TLL2: variants seen among roughly 807,000 people sequenced by gnomAD.
TLL2 encodes the protein tolloid-like protein 2.
A neutral mutation model predicts 123.0 loss-of-function variants in TLL2; 106 were observed. The ratio of observed to expected loss-of-function variants is 0.86; its 90% CI spans 0.74 to 1.01. TLL2 has a LOEUF of 1.01. TLL2 is among the 50% of genes least tolerant of loss of function. The pLI, the probability that TLL2 is intolerant of heterozygous loss-of-function variation, is 0.00. For missense variants in TLL2, 1,332 were observed against 1,336.7 expected (o/e 1.00, Z 0.06); for synonymous variants, 494 against 516.8 (o/e 0.96, Z 0.60).
At position 96,495,151 on chromosome 10, in the gene TLL2, G is replaced by A. The variant is rs140369101; in HGVS notation, c.176-14692C>T. ...GACTTCATAGATGTTCCATAAGATA[G>A]TCACCTAGAGATAAGCCCAGGTTAT... On this transcript the variant is annotated intron_variant, in intron 1 of 20. Coordinates refer to ENST00000357947, the MANE Select transcript of TLL2 (RefSeq NM_012465.4). Among the ~76,000 whole-genome samples, 617 of 152,248 alleles carry A rather than the reference G, an allele frequency of 4.1e-3. 3 individuals carry two copies. The highest frequency in any genetic ancestry group is 0.01 in the Middle Eastern group (3 of 292).
chr10:96,475,676 C>A (rs1222278776), intron 2 of TLL2, among the ~76,000 whole-genome samples: 1 of 152,130 alleles, frequency 6.6e-6, no homozygotes, highest in African/African-American at 2.4e-5. Context: ...CTGGGCCCTT[C>A]CCCCCATGTC....
chr10:96,471,168 T>A lies in TLL2; in HGVS notation c.286+9181A>T, dbSNP rs77394296. Reference sequence around the variant, plus strand: ...GGTGTTTGCCACCACACTTGGCTAATTTTTTTTTGTATTTTCAGTAGAGAT... The same window carrying A: ...GGTGTTTGCCACCACACTTGGCTAAATTTTTTTTGTATTTTCAGTAGAGAT... On this transcript the variant is annotated intron_variant, in intron 2 of 20. Coordinates refer to ENST00000357947, the MANE Select transcript of TLL2 (RefSeq NM_012465.4). 9.5e-5 allele frequency among the ~76,000 whole-genome samples: 3 copies of A among 31,688 alleles called. No homozygotes were observed. In the Admixed American group the frequency reaches 1.3e-3, roughly 14 times the overall value. The allele number at this position is 31,688 out of a possible 152,430, so 20.8% of individuals were successfully genotyped here.
intron 4 of TLL2, 145 bp downstream of exon 4, chr10:96,432,662 C>G (rs897697170): frequency 8.6e-6 from 9 of 1,049,144 alleles, no homozygotes; most frequent in South Asian, 1.8e-5. Flanking sequence ...CCAGGACTTG[C>G]CGGCAAGAGG....
chr10:96,443,966 A>C lies in TLL2; in HGVS notation c.364+2125T>G, dbSNP rs1008798795. ...AAAGGATCTGCCTCTCTCTAAAAGA[A>C]GTCAGATTGAAGAGGAAGATCAGCA... On this transcript the variant is annotated intron_variant, in intron 3 of 20. Coordinates refer to ENST00000357947, the MANE Select transcript of TLL2 (RefSeq NM_012465.4). 1.4e-4 allele frequency among the ~76,000 whole-genome samples: 21 copies of C among 152,356 alleles called. 1 individual carries two copies. The Middle Eastern group carries it at 0.014, about 99-fold the overall frequency.
At chr10:96,472,963 T>C (rs1044778772) in intron 2 of TLL2, among the ~76,000 whole-genome samples, 6 of 152,006 alleles carry the variant, frequency 3.9e-5, no homozygotes, top group Non-Finnish European at 7.4e-5. Context: ...AGCCTTTGGT[T>C]CCCCTCTTTT....
rs1056354001 is a variant in TLL2, at chr10:96,429,515, T to C, written c.521-767A>G. On this transcript the variant is annotated intron_variant, in intron 4 of 20. Coordinates refer to ENST00000357947, the MANE Select transcript of TLL2 (RefSeq NM_012465.4). ...TTGGAAGGGAGGGTAAAAATAGATT[T>C]TCAAAATATCCTGGGCTTCCCAAAT... 2.0e-5 allele frequency among the ~76,000 whole-genome samples: 3 copies of C among 152,326 alleles called. No individual in the cohort carries two copies. The East Asian group carries it at 5.8e-4, about 29-fold the overall frequency.
chr10:96,476,216 T>TTATATATATATATAATA, intron 2 of TLL2, among the ~76,000 whole-genome samples: 1 of 33,334 alleles, frequency 3.0e-5, no homozygotes, highest in African/African-American at 8.7e-5. Flanking sequence ...CTTTTTAATT[T>TTATATATATATATAATA]TATATGTATA....
chr10:96,452,551 C>T (rs2154202), intron 2 of TLL2, among the ~76,000 whole-genome samples: 63,584 of 152,038 alleles, frequency 0.42, 13,434 homozygotes, highest in East Asian at 0.54. Context: ...ACAGCAATCC[C>T]GTAAATAAGT....
At chr10:96,402,884 A>AT (rs1384668493) in intron 10 of TLL2, among the ~76,000 whole-genome samples, 1 of 152,162 alleles carries the variant, frequency 6.6e-6, no homozygotes, top group African/African-American at 2.4e-5. Flanking sequence ...TCGGTCTAGC[A>AT]GTGACACCCC....
At chr10:96,463,856 T>G (rs1483775106) in intron 2 of TLL2, among the ~76,000 whole-genome samples, 1 of 152,364 alleles carries the variant, frequency 6.6e-6, no homozygotes, top group South Asian at 2.1e-4. Context: ...AGTCATCTAC[T>G]AATAAGTGGA....
chr10:96,494,560 A>C (rs1847451797), intron 1 of TLL2, among the ~76,000 whole-genome samples: 1 of 152,144 alleles, frequency 6.6e-6, no homozygotes, highest in South Asian at 2.1e-4. Context: ...TCATTTCTAC[A>C]CTTAGACCTC....
At chr10:96,405,428 T>C (rs1009344458) in intron 9 of TLL2, 94 bp from the exon 10 acceptor site, 6 of 1,155,718 alleles carry the variant, frequency 5.2e-6, no homozygotes, top group Non-Finnish European at 7.7e-6. Context: ...CGTTACCCTT[T>C]AGCATGCAGA....
chr10:96,448,686 G>A (rs776598440), intron 2 of TLL2, among the ~76,000 whole-genome samples: 3 of 152,176 alleles, frequency 2.0e-5, no homozygotes, highest in Admixed American at 6.5e-5. Context: ...TAGGTCTGGA[G>A]GATGTAGGTG....
chr10:96,468,414 G>A (rs1283651725), intron 2 of TLL2, among the ~76,000 whole-genome samples: 1 of 152,150 alleles, frequency 6.6e-6, no homozygotes, highest in East Asian at 1.9e-4. Flanking sequence ...AAAATGAGAG[G>A]TACTTCGTGG....
chr10:96,472,222 T>G (rs1051388790), intron 2 of TLL2, among the ~76,000 whole-genome samples: 8 of 152,170 alleles, frequency 5.3e-5, no homozygotes, highest in East Asian at 1.9e-4. Flanking sequence ...TTGAATCCAA[T>G]GAACTGGCCC....
chr10:96,511,787 C>A (rs751950444), intron 1 of TLL2, among the ~76,000 whole-genome samples: 3 of 152,230 alleles, frequency 2.0e-5, no homozygotes, highest in Non-Finnish European at 4.4e-5. Flanking sequence ...CGGGCCTCAG[C>A]GGCCCACACT....
chr10:96,465,672 G>A (rs1357453289), intron 2 of TLL2, among the ~76,000 whole-genome samples: 1 of 152,220 alleles, frequency 6.6e-6, no homozygotes, highest in Non-Finnish European at 1.5e-5. Context: ...AGGACCCAAG[G>A]TGGTGCCTCT....
rs1846012089 is a variant in TLL2 at position 96,365,205 on chromosome 10, C to CA, written c.*2882dup. ...AAGCCGTCCTGGGCCAAGGGTTGGA[C>CA]AAGCTTGCTTTAGAGAGAAATTGTA... is the stretch of plus-strand genomic sequence containing the variant. On this transcript the variant is annotated 3_prime_UTR_variant, in exon 21 of 21. Coordinates refer to ENST00000357947, the MANE Select transcript of TLL2 (RefSeq NM_012465.4). 2 of 152,102 alleles carry CA rather than the reference C, an allele frequency of 1.3e-5. No individual in the cohort carries two copies. The highest frequency in any genetic ancestry group is 3.2e-3 in the Middle Eastern group (1 of 314). 9.4% of individuals were successfully genotyped at this position (152,102 alleles called of 1,614,324 possible). A position where few individuals can be genotyped will look rare whatever the true frequency, so the allele number is the denominator to read the frequency against.
intron 2 of TLL2, among the ~76,000 whole-genome samples, chr10:96,472,311 T>G (rs1589430929): frequency 6.6e-6 from 1 of 152,270 alleles, no homozygotes; most frequent in Non-Finnish European, 1.5e-5. Context: ...AGCCCCCCAC[T>G]GACCCATTCT....
Sources: gnomAD v4.1 joint callset for allele counts (sites outside exome capture counted in the v4.1 genomes callset) on GRCh38, gnomAD v4.1.1 for gene constraint, MANE v1.5 for transcripts, NCBI Gene and HGNC (gene_info 2026-07-23, HGNC 2026-07-21) for gene names.